EXT1: variants seen among roughly 807,000 people sequenced by gnomAD.
The protein encoded by EXT1 is exostosin-1.
Under a neutral mutation model 82.5 loss-of-function variants are expected in EXT1, and 20 were observed. The observed-to-expected ratio is 0.24, with a 90% CI of 0.17 to 0.35. The LOEUF (loss-of-function observed/expected upper bound fraction) is 0.35. Ranked by LOEUF, EXT1 falls within the 10% of genes least tolerant of loss-of-function variation. EXT1 has a pLI of 1.00. For synonymous variants in EXT1, 348 were observed against 350.8 expected, an observed-to-expected ratio of 0.99 and a Z score of 0.09; for missense variants, 757 against 936.5, an observed-to-expected ratio of 0.81 and a Z score of 2.50.
At chr8:117,966,197 G>T (rs1455864012) in intron 1 of EXT1, among the ~76,000 whole-genome samples, 2 of 152,174 alleles carry the variant, frequency 1.3e-5, no homozygotes, top group African/African-American at 4.8e-5. Flanking sequence ...TCATATCCTT[G>T]TCATGGCAGT....
chr8:117,834,979 A>C (rs1373766816), intron 3 of EXT1, among the ~76,000 whole-genome samples: 1 of 152,198 alleles, frequency 6.6e-6, no homozygotes, highest in Non-Finnish European at 1.5e-5. Context: ...TAAATCCTAA[A>C]GATAACACTC....
At chr8:117,827,116 G>A (rs577062869) in intron 4 of EXT1, among the ~76,000 whole-genome samples, 3 of 152,266 alleles carry the variant, frequency 2.0e-5, no homozygotes, top group Admixed American at 1.3e-4. Flanking sequence ...AGAGAGTCAC[G>A]CCCAGACAGC....
chr8:117,914,626 C>T (rs551454272), intron 1 of EXT1, among the ~76,000 whole-genome samples: 4 of 152,238 alleles, frequency 2.6e-5, no homozygotes, highest in South Asian at 4.2e-4. Context: ...GGTCTATAAA[C>T]GGCCGCTCTG....
intron 1 of EXT1, among the ~76,000 whole-genome samples, chr8:117,893,329 A>G (rs1813280639): frequency 6.6e-6 from 1 of 152,246 alleles, no homozygotes; most frequent in Non-Finnish European, 1.5e-5. Context: ...TCAACAGATG[A>G]GGCACAGAAA....
chr8:118,084,238 G>A (rs549662932), intron 1 of EXT1, among the ~76,000 whole-genome samples: 7 of 152,266 alleles, frequency 4.6e-5, no homozygotes, highest in African/African-American at 1.7e-4. Flanking sequence ...AGTATACAGA[G>A]TTAAGATGCA....
At chr8:118,039,557 CAAAAAAA>C (rs71307422) in intron 1 of EXT1, among the ~76,000 whole-genome samples, 1,669 of 82,176 alleles carry the variant, frequency 0.02, 11 homozygotes, top group Middle Eastern at 0.041. Flanking sequence ...GACTCCGTCA[CAAAAAAA>C]AAAAAAAAAA....
chr8:117,940,595 A>G (rs906860640), intron 1 of EXT1, among the ~76,000 whole-genome samples: 1 of 152,196 alleles, frequency 6.6e-6, no homozygotes, highest in African/African-American at 2.4e-5. Flanking sequence ...GAAACTCATT[A>G]GTCTAGCAGG....
At chr8:117,887,744 T>C (rs573351529) in intron 1 of EXT1, among the ~76,000 whole-genome samples, 20 of 152,160 alleles carry the variant, frequency 1.3e-4, no homozygotes, top group Non-Finnish European at 2.1e-4. Context: ...AAAGGATTAT[T>C]ATCAAGAAAC....
intron 1 of EXT1, among the ~76,000 whole-genome samples, chr8:117,854,747 G>C (rs973002367): frequency 6.6e-6 from 1 of 152,126 alleles, no homozygotes; most frequent in African/African-American, 2.4e-5. Flanking sequence ...CTAATACTAT[G>C]GTCCCATTTC....
intron 1 of EXT1, among the ~76,000 whole-genome samples, chr8:118,031,891 T>C (rs1816326696): frequency 1.3e-5 from 2 of 152,058 alleles, no homozygotes; most frequent in South Asian, 2.1e-4. Flanking sequence ...CAGCTTTTAA[T>C]TGGCTACGAT....
At chr8:117,919,340 C>T (rs535612894) in intron 1 of EXT1, among the ~76,000 whole-genome samples, 193 of 151,506 alleles carry the variant, frequency 1.3e-3, no homozygotes, top group African/African-American at 4.3e-3. Context: ...CATTACACCA[C>T]CACACCAGGC....
At chr8:117,818,983 T>G (rs914727234) in intron 6 of EXT1, among the ~76,000 whole-genome samples, 1 of 152,184 alleles carries the variant, frequency 6.6e-6, no homozygotes, top group Non-Finnish European at 1.5e-5. Context: ...AATAAAAAAA[T>G]TCAAGCTAGA....
At chr8:118,007,681 C>A (rs1489264028) in intron 1 of EXT1, among the ~76,000 whole-genome samples, 1 of 152,144 alleles carries the variant, frequency 6.6e-6, no homozygotes, top group Non-Finnish European at 1.5e-5. Context: ...GCTTCAAGCC[C>A]AGGTAACTAC....
At chr8:118,095,109 T>C (rs1380672187) in intron 1 of EXT1, among the ~76,000 whole-genome samples, 2 of 152,142 alleles carry the variant, frequency 1.3e-5, no homozygotes, top group Non-Finnish European at 2.9e-5. Context: ...CCAAAGAGGT[T>C]CAAACCTCAC....
At chr8:117,984,489 G>A (rs866952884) in intron 1 of EXT1, among the ~76,000 whole-genome samples, 2 of 151,790 alleles carry the variant, frequency 1.3e-5, no homozygotes, top group Admixed American at 6.6e-5. Flanking sequence ...AAGAGATGTG[G>A]CAATTAAGGA....
intron 1 of EXT1, among the ~76,000 whole-genome samples, chr8:117,930,355 AGCAACT>A (rs1814033735): frequency 6.6e-6 from 1 of 152,060 alleles, no homozygotes; most frequent in Non-Finnish European, 1.5e-5. Flanking sequence ...GACAGGCTTA[AGCAACT>A]AAATGCAAAT....
At chr8:117,991,269 C>G (rs1376758234) in intron 1 of EXT1, among the ~76,000 whole-genome samples, 1 of 152,016 alleles carries the variant, frequency 6.6e-6, no homozygotes, top group Non-Finnish European at 1.5e-5. Flanking sequence ...TGCCACCACG[C>G]CCAGCTAAAT....
At chr8:117,964,964 T>A (rs533210834) in intron 1 of EXT1, among the ~76,000 whole-genome samples, 1 of 152,148 alleles carries the variant, frequency 6.6e-6, no homozygotes, top group South Asian at 2.1e-4. Context: ...CTCACTGTTA[T>A]AAGTTCAGGT....
chr8:118,005,686 CAA>C (rs1815759957), intron 1 of EXT1, among the ~76,000 whole-genome samples: 1 of 152,204 alleles, frequency 6.6e-6, no homozygotes, highest in African/African-American at 2.4e-5. Context: ...CACCACTACG[CAA>C]AGTGTCTTTT....
Sources: allele counts gnomAD v4.1 joint callset (sites outside exome capture counted in the v4.1 genomes callset), GRCh38; gene constraint gnomAD v4.1.1; transcripts MANE v1.5; gene names NCBI Gene and HGNC (gene_info 2026-07-23, HGNC 2026-07-21).